The following LAMA1 variants were observed in gnomAD, a reference collection of about 807,000 sequenced individuals.
LAMA1 encodes laminin subunit alpha-1.
A neutral mutation model predicts 348.7 loss-of-function variants in LAMA1; 219 were observed. The ratio of observed to expected loss-of-function variants is 0.63; its 90% CI spans 0.56 to 0.70. The LOEUF (loss-of-function observed/expected upper bound fraction) is 0.70, where lower values mean the gene tolerates loss of function less well. LAMA1 is among the 30% of genes least tolerant of loss of function. The pLI is 0.00. For missense variants in LAMA1, 3,744 were observed against 3,888.0 expected (o/e 0.96, Z 0.99); for synonymous variants, 1,487 against 1,491.0 (o/e 1.00, Z 0.06).
chr18:7,071,633 T>C (rs1397848102), intron 3 of LAMA1, among the ~76,000 whole-genome samples: 1 of 152,222 alleles, frequency 6.6e-6, no homozygotes, highest in Non-Finnish European at 1.5e-5. Flanking sequence ...TTAACAATTA[T>C]TAATCATGAG....
intron 3 of LAMA1, among the ~76,000 whole-genome samples, chr18:7,069,258 G>C (rs1160879860): frequency 1.3e-5 from 2 of 152,128 alleles, no homozygotes; most frequent in Non-Finnish European, 2.9e-5. Flanking sequence ...CTAAAGCCTA[G>C]CCTCCATTGT....
rs1468571712 is a variant in LAMA1 at position 6,969,027 on chromosome 18, G to A, written c.6900-2730C>T. ...CAGGAGAAGGGGTGCAGTGGGGGAT[G>A]TTACCTAAAATGAAGACGGTTCAAT... On this transcript the variant is annotated intron_variant, in intron 48 of 62. Transcript: ENST00000389658. 2.0e-5 allele frequency among the ~76,000 whole-genome samples: 3 copies of A among 152,170 alleles called. No homozygotes were observed. In the East Asian group the frequency reaches 5.8e-4, roughly 29 times the overall value.
chr18:7,020,330 G>C (rs988463308), intron 19 of LAMA1, among the ~76,000 whole-genome samples: 1 of 152,120 alleles, frequency 6.6e-6, no homozygotes, highest in African/African-American at 2.4e-5. Context: ...TGAGAGTTAT[G>C]GGGGGTGAGG....
At chr18:7,107,960 G>A (rs889854240) in intron 1 of LAMA1, among the ~76,000 whole-genome samples, 2 of 151,696 alleles carry the variant, frequency 1.3e-5, no homozygotes, top group African/African-American at 4.8e-5. Flanking sequence ...CTTGCAGTGA[G>A]CCAAGATCGC....
intron 51 of LAMA1, among the ~76,000 whole-genome samples, chr18:6,962,919 T>C (rs986633168): frequency 1.3e-5 from 2 of 152,230 alleles, no homozygotes; most frequent in Non-Finnish European, 2.9e-5. Flanking sequence ...TCCACACTCC[T>C]GGCTGAGGTC....
chr18:7,085,017 G>GT (rs767537381), intron 1 of LAMA1, among the ~76,000 whole-genome samples: 1 of 151,556 alleles, frequency 6.6e-6, no homozygotes, highest in East Asian at 1.9e-4. Context: ...GAAGTATGAG[G>GT]TTTTTTTTCC....
chr18:7,011,897 C>A, intron 24 of LAMA1, 98 bp downstream of exon 24: 1 of 1,455,672 alleles, frequency 6.9e-7, no homozygotes. Context: ...GCCATAAGAG[C>A]AAAATTTAAT....
intron 3 of LAMA1, among the ~76,000 whole-genome samples, chr18:7,053,341 A>C (rs1246451210): frequency 6.6e-6 from 1 of 152,240 alleles, no homozygotes; most frequent in Non-Finnish European, 1.5e-5. Context: ...TATGGACTCA[A>C]CAATAATAAT....
At chr18:7,115,228 A>G (rs551456192) in intron 1 of LAMA1, among the ~76,000 whole-genome samples, 5 of 152,332 alleles carry the variant, frequency 3.3e-5, no homozygotes, top group African/African-American at 1.2e-4. Flanking sequence ...ATACTATGTC[A>G]TATATGAGAA....
Position 6,942,191 on chromosome 18 carries a change from C to G in LAMA1, c.9116G>C (p.Cys3039Ser). ...CLRSQTSFRGCLRKLALIKSP... is the reference protein window; with the variant it reads ...CLRSQTSFRGSLRKLALIKSP... The stretch of plus-strand genomic sequence containing the variant: ...CTTAATCAGAGCTAGCTTCCTCAAA[C>G]ACCCGCGGAACGAGGTCTGGCTGCG... The change falls in exon 63 of 63, where the codon TGT (cysteine) becomes TCT (serine). Residue 3039 changes from cysteine (C) to serine (S), a missense_variant. Cys to Ser is a moderately radical substitution (Grantham distance 112, BLOSUM62 -1). Transcript: ENST00000389658. 1 of 1,614,184 alleles carries G rather than the reference C, an allele frequency of 6.2e-7. No homozygotes were observed. Among genetic ancestry groups the G allele is most frequent in the Non-Finnish European group, 8.5e-7 (1 of 1,180,044 alleles).
At chr18:7,092,781 T>G (rs2058244678) in intron 1 of LAMA1, among the ~76,000 whole-genome samples, 1 of 152,158 alleles carries the variant, frequency 6.6e-6, no homozygotes, top group Non-Finnish European at 1.5e-5. Context: ...TTTCTTTTGG[T>G]CTCCACGCTA....
chr18:7,065,324 A>G (rs8092979), intron 3 of LAMA1, among the ~76,000 whole-genome samples: 50,452 of 151,758 alleles, frequency 0.33, 9,200 homozygotes, highest in South Asian at 0.48. Context: ...TGTACTTTAC[A>G]TTCAATTTTT....
chr18:6,985,465 TAGAAA>T, intron 38 of LAMA1, 57 bp downstream of exon 38: 1 of 1,607,498 alleles, frequency 6.2e-7, no homozygotes, highest in Non-Finnish European at 8.5e-7. Flanking sequence ...TGTGTGCATA[TAGAAA>T]AGATGTGTGA....
chr18:7,033,210 T>C (rs2057978924), intron 14 of LAMA1, 115 bp from the exon 15 acceptor site: 2 of 758,120 alleles, frequency 2.6e-6, no homozygotes, highest in South Asian at 2.9e-5. Context: ...CTCACGCCTG[T>C]AATCCCAGCA....
At chr18:7,083,730 T>G (rs1283108394) in intron 1 of LAMA1, among the ~76,000 whole-genome samples, 16 of 152,128 alleles carry the variant, frequency 1.1e-4, no homozygotes, top group Admixed American at 1.0e-3. Context: ...TTAATCACTA[T>G]CCTTTTGTTG....
In LAMA1 at chr18:6,978,257, C is replaced by T; in HGVS notation, c.6129G>A (p.Leu2043=). 1.9e-6 allele frequency: 3 copies of T among 1,614,220 alleles called. No individual in the cohort carries two copies. Among genetic ancestry groups the T allele is most frequent in the Non-Finnish European group, 2.5e-6 (3 of 1,180,034 alleles). Residue 2043 remains leucine (L), a synonymous_variant, in exon 43 of 63, where the codon CTG becomes CTA. Coordinates refer to ENST00000389658, the MANE Select transcript of LAMA1 (RefSeq NM_005559.4). The part of the protein sequence containing the change: ...SQELLNTSAS[L]SRVNTTLRET... ...CTCGTAATGTGGTGTTGACCCTGGA[C>T]AGGCTGGCAGATGTGTTCAGCAGCT...
rs746004691 is a variant in LAMA1, at chr18:7,016,670, T to C, written c.2810A>G (p.His937Arg). 1 of 1,611,922 alleles carries C rather than the reference T, an allele frequency of 6.2e-7. No individual in the cohort carries two copies. The highest frequency in any genetic ancestry group is 8.5e-7 in the Non-Finnish European group (1 of 1,179,072). The change falls in exon 21 of 63, where the codon CAT (histidine) becomes CGT (arginine). Residue 937 changes from histidine to arginine, a missense_variant and splice_region_variant. His to Arg is a conservative substitution (Grantham distance 29). Around this residue, in one of 3 missense-constraint regions of LAMA1, gnomAD observed 1,529 missense variants for 1,689.4 expected, o/e 0.91. Transcript: ENST00000389658. ...VTGQQCDQCL[H>R]GYYGLDSGHG... ...GCCTGAGTCCAGCCCATAATAGCCA[T>C]GCTGTTTCACCAAAGGGGGAGAAAG... is the stretch of plus-strand genomic sequence containing the variant.
At chr18:6,955,613 C>T (rs1167722938) in intron 56 of LAMA1, 148 bp from the exon 57 acceptor site, 6 of 704,380 alleles carry the variant, frequency 8.5e-6, no homozygotes, top group Admixed American at 8.0e-5. Context: ...ACTCCATCTT[C>T]GGTTTAAATG....
rs780915302 is a variant in LAMA1 at position 7,040,152 on chromosome 18, G to A, written c.1346C>T (p.Pro449Leu). The change falls in exon 10 of 63, where the codon CCG becomes CTG. Residue 449 changes from proline to leucine, a missense_variant. Transcript: ENST00000389658. Reference protein sequence around the residue: ...DRCQLGYKDYPTCVSCGCNPV... With the variant: ...DRCQLGYKDYLTCVSCGCNPV... ...GTTGCACCCACAGGAGACACAGGTC[G>A]GGTAATCCTTATAGCCAAGTTGGCA... is the stretch of plus-strand genomic sequence containing the variant. 3.7e-6 allele frequency: 6 copies of A among 1,614,044 alleles called. No homozygotes were observed. Among genetic ancestry groups the A allele is most frequent in the South Asian group, 1.1e-5 (1 of 91,070 alleles).
Sources: allele counts gnomAD v4.1 joint callset (sites outside exome capture counted in the v4.1 genomes callset), GRCh38; gene constraint gnomAD v4.1.1; regional missense constraint gnomAD v4.1.1; transcripts MANE v1.5; gene names NCBI Gene and HGNC (gene_info 2026-07-23, HGNC 2026-07-21).